The following MAGI1 variants were observed in gnomAD, a reference collection of about 807,000 sequenced individuals.
MAGI1 encodes the protein membrane-associated guanylate kinase, WW and PDZ domain-containing protein 1.
MAGI1 carries 58 observed loss-of-function variants against 139.9 expected under a neutral mutation model. That is an observed-to-expected ratio of 0.41 (90% CI 0.34 to 0.52). MAGI1 has a LOEUF of 0.52. Among genes scored for constraint, MAGI1 ranks in the 20% least tolerant of loss-of-function variants. The pLI is 0.12. For missense variants in MAGI1, 1,874 were observed against 1,901.6 expected (o/e 0.99, Z 0.27); for synonymous variants, 812 against 737.9 (o/e 1.10, Z -1.63).
At chr3:65,753,895 C>T (rs900610928) in intron 1 of MAGI1, among the ~76,000 whole-genome samples, 1 of 151,904 alleles carries the variant, frequency 6.6e-6, no homozygotes, top group Non-Finnish European at 1.5e-5. Flanking sequence ...CCAGAAGGAG[C>T]GAACCACCTA....
chr3:65,439,907 C>CTGCTGCTGCTGT lies in MAGI1; in HGVS notation c.1241_1242insACAGCAGCAGCA (p.Gln418_Gln421dup), dbSNP rs1559554987. 2 of 1,606,816 alleles carry CTGCTGCTGCTGT rather than the reference C, an allele frequency of 1.2e-6. No homozygotes were observed. Among genetic ancestry groups the CTGCTGCTGCTGT allele is most frequent in the Non-Finnish European group, 1.7e-6 (2 of 1,177,164 alleles). Reference sequence around the variant, plus strand: ...CTGTCTGCTGCTGCTGCTGCTGCTGCTGCTGCTGTTGCTGCTGCTGTTGCT... The same window carrying CTGCTGCTGCTGT: ...CTGTCTGCTGCTGCTGCTGCTGCTGCTGCTGCTGCTGTTGCTGCTGTTGCTGCTGCTGTTGCT... On this transcript the variant is annotated inframe_insertion, in exon 9 of 23. Coordinates refer to ENST00000402939, the MANE Select transcript of MAGI1 (RefSeq NM_001033057.2).
chr3:66,023,160 T>A (rs1002413166), intron 1 of MAGI1, among the ~76,000 whole-genome samples: 3 of 152,172 alleles, frequency 2.0e-5, no homozygotes, highest in African/African-American at 7.2e-5. Context: ...CATCAGAAGT[T>A]CTGGATTACA....
At chr3:65,972,752 T>C (rs2065069477) in intron 1 of MAGI1, among the ~76,000 whole-genome samples, 1 of 152,232 alleles carries the variant, frequency 6.6e-6, no homozygotes, top group South Asian at 2.1e-4. Flanking sequence ...CCACATTTAT[T>C]AGGCACATAT....
intron 1 of MAGI1, among the ~76,000 whole-genome samples, chr3:65,953,194 T>C (rs2063949556): frequency 6.6e-6 from 1 of 152,158 alleles, no homozygotes; most frequent in African/African-American, 2.4e-5. Context: ...GATCAAATCT[T>C]CATTCTTGCT....
At position 65,870,099 on chromosome 3, in the gene MAGI1, C is replaced by T. The variant is rs72909475; in HGVS notation, c.313+167897G>A. On this transcript the variant is annotated intron_variant, in intron 1 of 22. Coordinates refer to ENST00000402939, the MANE Select transcript of MAGI1 (RefSeq NM_001033057.2). ...CTTAGAAAGAGCGATTTGTTCTACA[C>T]GGATGCTGAGCATTTATTTCTATCA... Among the ~76,000 whole-genome samples the T allele has an allele frequency of 1.3e-3, 199 of 152,240 alleles. 1 individual carries two copies. Among genetic ancestry groups the T allele is most frequent in the African/African-American group, 4.0e-3 (167 of 41,532 alleles).
chr3:65,733,404 T>TA, intron 1 of MAGI1, among the ~76,000 whole-genome samples: 1 of 152,186 alleles, frequency 6.6e-6, no homozygotes, highest in Non-Finnish European at 1.5e-5. Context: ...TAATTGTATG[T>TA]AAAAATCTCT....
intron 1 of MAGI1, among the ~76,000 whole-genome samples, chr3:65,988,422 G>A (rs1196433321): frequency 6.6e-6 from 1 of 152,162 alleles, no homozygotes; most frequent in Non-Finnish European, 1.5e-5. Flanking sequence ...TCTCTCCTCA[G>A]TCACATCACT....
intron 1 of MAGI1, among the ~76,000 whole-genome samples, chr3:65,827,318 G>C (rs780412950): frequency 2.0e-5 from 3 of 152,030 alleles, no homozygotes; most frequent in Non-Finnish European, 4.4e-5. Flanking sequence ...ACAGTAAGTG[G>C]GGAAGACGTA....
chr3:65,809,224 G>C (rs2041063042), intron 1 of MAGI1, among the ~76,000 whole-genome samples: 1 of 152,238 alleles, frequency 6.6e-6, no homozygotes, highest in East Asian at 1.9e-4. Context: ...CTAATAACTG[G>C]GATAACTGCC....
chr3:65,593,727 G>A (rs968416607), intron 2 of MAGI1, among the ~76,000 whole-genome samples: 4 of 152,034 alleles, frequency 2.6e-5, no homozygotes, highest in Non-Finnish European at 4.4e-5. Context: ...TTTATTGAAC[G>A]TGTATTACCT....
At chr3:65,550,225 G>C (rs1232500066) in intron 2 of MAGI1, among the ~76,000 whole-genome samples, 4 of 152,162 alleles carry the variant, frequency 2.6e-5, no homozygotes, top group Non-Finnish European at 5.9e-5. Flanking sequence ...AGGGGGTTAA[G>C]TATTTGTCTT....
chr3:65,694,246 G>A (rs2088943082), intron 1 of MAGI1, among the ~76,000 whole-genome samples: 1 of 152,092 alleles, frequency 6.6e-6, no homozygotes, highest in African/African-American at 2.4e-5. Context: ...TAGCAGCTGT[G>A]GTTATTATTT....
intron 1 of MAGI1, chr3:65,844,510 T>C (rs953366132): frequency 7.8e-6 from 2 of 255,976 alleles, no homozygotes; most frequent in Middle Eastern, 1.4e-3. Context: ...ACAAGCTATG[T>C]CCTCTTCTCA....
intron 1 of MAGI1, among the ~76,000 whole-genome samples, chr3:65,821,183 G>A (rs2041931403): frequency 6.6e-6 from 1 of 152,104 alleles, no homozygotes; most frequent in Non-Finnish European, 1.5e-5. Flanking sequence ...AGTATCACAG[G>A]ATTGTAGAAC....
chr3:65,751,329 T>TGA (rs1416993799), intron 1 of MAGI1, among the ~76,000 whole-genome samples: 1 of 152,214 alleles, frequency 6.6e-6, no homozygotes, highest in African/African-American at 2.4e-5. Flanking sequence ...AGAAAGAGCC[T>TGA]GAGAAATGTT....
intron 1 of MAGI1, among the ~76,000 whole-genome samples, chr3:65,963,047 C>G (rs1290555326): frequency 1.3e-5 from 2 of 150,178 alleles, no homozygotes; most frequent in African/African-American, 4.9e-5. Context: ...TAATGACAAT[C>G]TGGCCAGGCG....
intron 1 of MAGI1, among the ~76,000 whole-genome samples, chr3:65,738,200 G>C (rs1212039459): frequency 6.6e-6 from 1 of 152,186 alleles, no homozygotes; most frequent in Non-Finnish European, 1.5e-5. Context: ...GCCATAAAGT[G>C]AATATTGCAA....
At chr3:65,877,144 T>C (rs2060147321) in intron 1 of MAGI1, among the ~76,000 whole-genome samples, 1 of 152,220 alleles carries the variant, frequency 6.6e-6, no homozygotes, top group African/African-American at 2.4e-5. Context: ...AATTCCAGGC[T>C]GTGATCAACA....
chr3:65,738,330 C>A (rs1280092426), intron 1 of MAGI1, among the ~76,000 whole-genome samples: 2 of 152,214 alleles, frequency 1.3e-5, no homozygotes, highest in Non-Finnish European at 1.5e-5. Flanking sequence ...GGCCACCACC[C>A]CAAGCCAATT....
Sources: allele counts gnomAD v4.1 joint callset (sites outside exome capture counted in the v4.1 genomes callset), GRCh38; gene constraint gnomAD v4.1.1; transcripts MANE v1.5; gene names NCBI Gene and HGNC (gene_info 2026-07-23, HGNC 2026-07-21).